ZNF816: variants seen among roughly 807,000 people sequenced by gnomAD.
ZNF816 encodes zinc finger protein 816A.
A neutral mutation model predicts 8.3 loss-of-function variants in ZNF816; 11 were observed. That is an observed-to-expected ratio of 1.32 (90% confidence interval 0.83 to 2.19). The LOEUF is 2.19. ZNF816 is among the 30% of genes most tolerant of loss of function. The pLI is 0.00. For missense variants in ZNF816, 710 were observed against 779.3 expected, an observed-to-expected ratio of 0.91 and a Z score of 1.06; for synonymous variants, 255 against 254.5, an observed-to-expected ratio of 1.00 and a Z score of -0.02.
chr19:52,949,698 C>G lies in ZNF816; in HGVS notation c.*121G>C. On this transcript the variant is annotated 3_prime_UTR_variant, in exon 4 of 4. Transcript: ENST00000444460. ...CCAGTATGAGTTCACTGATGAACTA[C>G]AAGTTATGAATGACGTCTGAAAAAT... 6.8e-7 allele frequency: 1 copy of G among 1,464,436 alleles called. No individual in the cohort carries two copies. The highest frequency in any genetic ancestry group is 9.5e-7 in the Non-Finnish European group (1 of 1,051,498). The allele number at this position is 1,464,436 out of a possible 1,614,324, so 90.7% of individuals were successfully genotyped here.
At position 52,951,090 on chromosome 19, in the gene ZNF816, A is replaced by G. The variant is rs376430109; in HGVS notation, c.685T>C (p.Cys229Arg). ...IQEICMREKPCQSNECGKAFN... is the reference protein window; with the variant it reads ...IQEICMREKPRQSNECGKAFN... ...GCTTTGCCACACTCATTACTTTGGC[A>G]AGGTTTTTCTCTCATGCATATTTCC... is the stretch of plus-strand genomic sequence containing the variant. The change falls in exon 4 of 4, where the codon TGC becomes CGC. Residue 229 changes from cysteine (C) to arginine (R), a missense_variant. Transcript: ENST00000444460. The G allele has an allele frequency of 1.2e-6, 2 of 1,613,890 alleles. No homozygotes were observed. The highest frequency in any genetic ancestry group is 2.7e-5 in the African/African-American group (2 of 74,906).
At chr19:52,956,962 A>G (rs1346286184) in intron 1 of ZNF816, among the ~76,000 whole-genome samples, 2 of 152,222 alleles carry the variant, frequency 1.3e-5, no homozygotes, top group African/African-American at 4.8e-5. Context: ...AAGCATTGCA[A>G]AAGTTTCTGT....
chr19:52,949,756 T>A lies in ZNF816; in HGVS notation c.*63A>T. 6.2e-7 allele frequency: 1 copy of A among 1,608,718 alleles called. No individual in the cohort carries two copies. The highest frequency in any genetic ancestry group is 2.2e-5 in the East Asian group (1 of 44,754). ...ATTTATTACACTTGTAGATCTCTCTTCAATATGGATTCTGTAATGATTTGC... is the reference window on the plus strand; with the variant it reads ...ATTTATTACACTTGTAGATCTCTCTACAATATGGATTCTGTAATGATTTGC... On this transcript the variant is annotated 3_prime_UTR_variant, in exon 4 of 4. Transcript: ENST00000444460.
In ZNF816 at chr19:52,950,872, T is replaced by C. The variant is rs1042750052; in HGVS notation, c.903A>G (p.Val301=). The C allele has an allele frequency of 3.1e-6, 5 of 1,614,094 alleles. No individual in the cohort carries two copies. The highest frequency in any genetic ancestry group is 3.3e-5 in the Admixed American group (2 of 60,006). Residue 301 remains valine, a synonymous_variant, in exon 4 of 4, where the codon GTA becomes GTG. Coordinates refer to ENST00000444460, the MANE Select transcript of ZNF816 (RefSeq NM_001202457.3). ...GKTFTQMSSL[V]CHRRLHTGEK... is the part of the protein sequence containing the mutation. ...CTCCAGTATGAAGTCTACGATGGCA[T>C]ACAAGGGATGACATCTGAGTGAAGG...
In ZNF816 at chr19:52,949,923, C is replaced by T; in HGVS notation, c.1852G>A (p.Glu618Lys). The change falls in exon 4 of 4, where the codon GAG (glutamate) becomes AAG (lysine). Residue 618 changes from glutamate (E) to lysine (K), a missense_variant. Coordinates refer to ENST00000444460, the MANE Select transcript of ZNF816 (RefSeq NM_001202457.3). ...CACTCATTACACTTGTAAGGTTTCTCTGCAGTATGAACTCTCTGATGTTTT... is the reference window on the plus strand; with the variant it reads ...CACTCATTACACTTGTAAGGTTTCTTTGCAGTATGAACTCTCTGATGTTTT... ...LAKHQRVHTA[E>K]KPYKCNECGK... 1 of 1,613,930 alleles carries T rather than the reference C, an allele frequency of 6.2e-7. No homozygotes were observed. Among genetic ancestry groups the T allele is most frequent in the Non-Finnish European group, 8.5e-7 (1 of 1,179,872 alleles).
Position 52,951,106 on chromosome 19 carries a change from G to T in ZNF816, c.669C>A (p.Cys223Ter). Residue 223 changes from cysteine to a stop codon, truncating the protein, a stop_gained, in exon 4 of 4, where the codon TGC becomes TGA. Transcript: ENST00000444460. LOFTEE classifies it low-confidence loss of function (END_TRUNC). ...TACTTTGGCAAGGTTTTTCTCTCAT[G>T]CATATTTCCTGTATTTGTGTGAATG... ...HSSFTQIQEICMREKPCQSNE... is the reference protein window; with the variant it reads ...HSSFTQIQEI 1 of 1,613,912 alleles carries T rather than the reference G, an allele frequency of 6.2e-7. No homozygotes were observed. The highest frequency in any genetic ancestry group is 8.5e-7 in the Non-Finnish European group (1 of 1,179,968).
Position 52,951,111 on chromosome 19 carries a change from T to C in ZNF816, c.664A>G (p.Ile222Val), listed in dbSNP as rs1486865225. Residue 222 changes from isoleucine to valine, a missense_variant, in exon 4 of 4, where the codon ATA becomes GTA. Transcript: ENST00000444460. ...TGGCAAGGTTTTTCTCTCATGCATA[T>C]TTCCTGTATTTGTGTGAATGAAGAA... ...LHSSFTQIQE[I>V]CMREKPCQSN... 3 of 1,613,892 alleles carry C rather than the reference T, an allele frequency of 1.9e-6. No homozygotes were observed. The African/African-American group carries it at 4.0e-5, about 22-fold the overall frequency.
chr19:52,958,187 G>A (rs924931101), intron 1 of ZNF816, among the ~76,000 whole-genome samples: 1 of 152,146 alleles, frequency 6.6e-6, no homozygotes, highest in African/African-American at 2.4e-5. Flanking sequence ...CCTCCTGCCT[G>A]TTCCCACGCC....
rs2083455377 is a variant in ZNF816 at position 52,951,133 on chromosome 19, A to G, written c.642T>C (p.Ser214=). Reference sequence around the variant, plus strand: ...ATATTTCCTGTATTTGTGTGAATGAAGAATGGAGGAAATTCTTCCCATACT... The same window carrying G: ...ATATTTCCTGTATTTGTGTGAATGAGGAATGGAGGAAATTCTTCCCATACT... ...SNKYGKNFLH[S]SFTQIQEICM... is the part of the protein sequence containing the mutation. Residue 214 remains serine, a synonymous_variant, in exon 4 of 4, where the codon TCT becomes TCC. Coordinates refer to ENST00000444460, the MANE Select transcript of ZNF816 (RefSeq NM_001202457.3). The G allele has an allele frequency of 6.2e-7, 1 of 1,613,880 alleles. No homozygotes were observed. The highest frequency in any genetic ancestry group is 1.1e-5 in the South Asian group (1 of 91,086).
chr19:52,953,329 G>A, intron 2 of ZNF816: 1 of 340,604 alleles, frequency 2.9e-6, no homozygotes. Context: ...AGAGACGAAT[G>A]TTGCAGTGAG....
Position 52,962,139 on chromosome 19 carries a change from T to C in ZNF816, c.-16+588A>G, listed in dbSNP as rs575341112. On this transcript the variant is annotated intron_variant, in intron 1 of 3. Transcript: ENST00000444460. ...CTGCCTAGGCTCATCCAGAATTTCA[T>C]TGAGACTGGACGGCCCCCGCTGGAC... Among the ~76,000 whole-genome samples, 36 of 152,166 alleles carry C rather than the reference T, an allele frequency of 2.4e-4. No homozygotes were observed. The Middle Eastern group carries it at 0.014, about 58-fold the overall frequency.
chr19:52,954,103 G>T (rs1275587903), intron 2 of ZNF816, among the ~76,000 whole-genome samples: 1 of 151,470 alleles, frequency 6.6e-6, no homozygotes, highest in Non-Finnish European at 1.5e-5. Flanking sequence ...TAAACCGTGG[G>T]ATTGGCTGCA....
intron 3 of ZNF816, among the ~76,000 whole-genome samples, chr19:52,952,090 G>C (rs1454154831): frequency 6.6e-6 from 1 of 152,080 alleles, no homozygotes; most frequent in Non-Finnish European, 1.5e-5. Context: ...AGAATGAAAG[G>C]CCAAGCATGG....
intron 2 of ZNF816, among the ~76,000 whole-genome samples, chr19:52,955,766 G>A (rs2083504581): frequency 6.6e-6 from 1 of 152,106 alleles, no homozygotes. Context: ...TGACACCATG[G>A]GGCCCACACC....
At chr19:52,956,248 A>G in intron 1 of ZNF816, 144 bp from the exon 2 acceptor site, 1 of 908,592 alleles carries the variant, frequency 1.1e-6, no homozygotes, top group Non-Finnish European at 1.6e-6. Flanking sequence ...CAGAGATAAG[A>G]AAGTTCCACA....
At chr19:52,953,217 C>G in intron 2 of ZNF816, 1 of 221,872 alleles carries the variant, frequency 4.5e-6, no homozygotes. Flanking sequence ...TATGGTGTAA[C>G]CCCGTCTCTA....
chr19:52,956,348 C>A, intron 1 of ZNF816: 1 of 407,710 alleles, frequency 2.5e-6, no homozygotes, highest in Non-Finnish European at 4.5e-6. Flanking sequence ...GGACACAGAT[C>A]TTCAGGGCAC....
At position 52,950,995 on chromosome 19, in the gene ZNF816, A is replaced by G; in HGVS notation, c.780T>C (p.Asp260=). 1.2e-6 allele frequency: 2 copies of G among 1,614,174 alleles called. No individual in the cohort carries two copies. Among genetic ancestry groups the G allele is most frequent in the Non-Finnish European group, 1.7e-6 (2 of 1,180,028 alleles). The change falls in exon 4 of 4, where the codon GAT becomes GAC. Residue 260 remains aspartate (D), a synonymous_variant. Coordinates refer to ENST00000444460, the MANE Select transcript of ZNF816 (RefSeq NM_001202457.3). ...TCTGATTAAAGATCTTGCCACATAC[A>G]TCACATTTATATTCTCTCTCTCTTG... ...THSREREYKC[D]VCGKIFNQKQ...
intron 1 of ZNF816, 41 bp downstream of exon 1, chr19:52,962,686 G>A (rs778289861): frequency 6.6e-6 from 1 of 152,276 alleles, no homozygotes; most frequent in Non-Finnish European, 1.5e-5. Flanking sequence ...CAGCCTCAGG[G>A]CAACTTTAAA....
Sources: allele counts gnomAD v4.1 joint callset (sites outside exome capture counted in the v4.1 genomes callset), GRCh38; gene constraint gnomAD v4.1.1; transcripts MANE v1.5; gene names NCBI Gene and HGNC (gene_info 2026-07-23, HGNC 2026-07-21).